The following ERGIC1 variants were observed in gnomAD, a reference collection of about 807,000 sequenced individuals.
ERGIC1 encodes endoplasmic reticulum-golgi intermediate compartment 1, also known as endoplasmic reticulum-Golgi intermediate compartment protein 1.
A neutral mutation model predicts 38.3 loss-of-function variants in ERGIC1; 19 were observed. That is an observed-to-expected ratio of 0.50 (90% CI 0.35 to 0.73). The LOEUF (loss-of-function observed/expected upper bound fraction) is 0.73. Among genes scored for constraint, ERGIC1 ranks in the 30% least tolerant of loss-of-function variants. ERGIC1 has a pLI of 0.01. For missense variants in ERGIC1, 294 were observed against 389.2 expected, an observed-to-expected ratio of 0.76 and a Z score of 2.06; for synonymous variants, 124 against 157.6, an observed-to-expected ratio of 0.79 and a Z score of 1.60.
chr5:172,854,039 G>A (rs141598106), intron 1 of ERGIC1, among the ~76,000 whole-genome samples: 43 of 152,326 alleles, frequency 2.8e-4, no homozygotes, highest in African/African-American at 1.0e-3. Flanking sequence ...CGAAGTGGGA[G>A]TTTCACAGGA....
In ERGIC1 at chr5:172,926,961, G is replaced by A; in HGVS notation, c.541+392G>A. ...CACCGTGAGAACAGGTCTGTGGGTG[G>A]CCCAGTCAGCTGTGACCACATGGCT... On this transcript the variant is annotated intron_variant, in intron 7 of 9. Coordinates refer to ENST00000393784, the MANE Select transcript of ERGIC1 (RefSeq NM_001031711.3). The surrounding 1 kb of genome is among the most constrained non-coding windows in gnomAD (Gnocchi z 5.2). The A allele has an allele frequency of 4.8e-6, 1 of 210,426 alleles. No homozygotes were observed. The highest frequency in any genetic ancestry group is 9.8e-6 in the Non-Finnish European group (1 of 102,434). The allele number at this position is 210,426 out of a possible 1,614,324, so 13.0% of individuals were successfully genotyped here.
At chr5:172,852,626 AGT>A (rs1290180549) in intron 1 of ERGIC1, among the ~76,000 whole-genome samples, 8 of 152,220 alleles carry the variant, frequency 5.3e-5, no homozygotes, top group Non-Finnish European at 1.0e-4. Context: ...TTTTAAAAAA[AGT>A]GTTGAATAGT....
At chr5:172,843,189 GTTTAAGGAGTTGCTTA>G (rs1375436228) in intron 1 of ERGIC1, among the ~76,000 whole-genome samples, 1 of 152,178 alleles carries the variant, frequency 6.6e-6, no homozygotes, top group African/African-American at 2.4e-5. Flanking sequence ...TTGCCACTGA[GTTTAAGGAGTTGCTTA>G]TATATTCTGG....
At chr5:172,902,296 C>T (rs190198134) in intron 3 of ERGIC1, among the ~76,000 whole-genome samples, 2 of 152,194 alleles carry the variant, frequency 1.3e-5, no homozygotes, top group African/African-American at 2.4e-5. Flanking sequence ...GTAGGAGGCC[C>T]GGAGTGGGGA....
intron 1 of ERGIC1, among the ~76,000 whole-genome samples, chr5:172,861,896 G>A (rs1408200613): frequency 6.6e-6 from 1 of 152,162 alleles, no homozygotes; most frequent in African/African-American, 2.4e-5. Context: ...CAGTAGAAAC[G>A]TAGAAAGACA....
chr5:172,920,023 G>A (rs534603208), intron 5 of ERGIC1, among the ~76,000 whole-genome samples: 2 of 152,320 alleles, frequency 1.3e-5, no homozygotes, highest in South Asian at 4.1e-4. Context: ...ACGCAGCCAG[G>A]ATTTTAACAC....
intron 1 of ERGIC1, among the ~76,000 whole-genome samples, chr5:172,858,901 G>A (rs944899350): frequency 1.3e-5 from 2 of 152,238 alleles, no homozygotes; most frequent in African/African-American, 4.8e-5. Flanking sequence ...ACTGTTTGAA[G>A]TACTTTGGAC....
In ERGIC1 at chr5:172,941,552, A is replaced by G. The variant is rs544779416; in HGVS notation, c.765+6242A>G. 1.9e-3 allele frequency among the ~76,000 whole-genome samples: 284 copies of G among 152,290 alleles called. 2 individuals carry two copies. The highest frequency in any genetic ancestry group is 6.7e-3 in the African/African-American group (279 of 41,574). ...CCCCTACCCCCAGCACTGTCTCAGGAGCCTCTATCTTCCAAAACAAGGGCT... is the reference window on the plus strand; with the variant it reads ...CCCCTACCCCCAGCACTGTCTCAGGGGCCTCTATCTTCCAAAACAAGGGCT... On this transcript the variant is annotated intron_variant, in intron 9 of 9. Transcript: ENST00000393784.
intron 1 of ERGIC1, among the ~76,000 whole-genome samples, chr5:172,856,643 C>A (rs1761556003): frequency 6.6e-6 from 1 of 152,130 alleles, no homozygotes. Flanking sequence ...AAAATAAGAT[C>A]AAGTGAATGT....
intron 1 of ERGIC1, among the ~76,000 whole-genome samples, chr5:172,857,127 A>G (rs760280468): frequency 1.3e-5 from 2 of 152,182 alleles, no homozygotes; most frequent in Non-Finnish European, 2.9e-5. Flanking sequence ...CGGTAAAGAG[A>G]CTGGCCACCA....
Position 172,862,307 on chromosome 5 carries a change from C to CAAAA in ERGIC1, c.21-26370_21-26367dup, listed in dbSNP as rs58968820. 6.2e-3 allele frequency among the ~76,000 whole-genome samples: 305 copies of CAAAA among 48,960 alleles called. 7 individuals carry two copies. The highest frequency in any genetic ancestry group is 7.4e-3 in the East Asian group (9 of 1,212). The allele number at this position is 48,960 out of a possible 152,430, so 32.1% of individuals were successfully genotyped here. A position where few individuals can be genotyped will look rare whatever the true frequency, so the allele number is the denominator to read the frequency against. The stretch of plus-strand genomic sequence containing the variant: ...TGGGCAACTGAGTGAGACTACATCT[C>CAAAA]AAAAAAAAAAAAAAAAAAAAAAAAA... On this transcript the variant is annotated intron_variant, in intron 1 of 9. Transcript: ENST00000393784.
chr5:172,898,112 C>G (rs477748), intron 3 of ERGIC1: 271,625 of 383,892 alleles, frequency 0.71, 96,787 homozygotes, highest in African/African-American at 0.83. Flanking sequence ...TCACGGAGCT[C>G]GGCCCTGGCC....
intron 1 of ERGIC1, among the ~76,000 whole-genome samples, chr5:172,880,805 T>G (rs1762260943): frequency 6.6e-6 from 1 of 152,212 alleles, no homozygotes; most frequent in African/African-American, 2.4e-5. Context: ...GGGTCTCTGT[T>G]TGGGTTCTGC....
chr5:172,844,469 G>A (rs761816400), intron 1 of ERGIC1, among the ~76,000 whole-genome samples: 24 of 152,238 alleles, frequency 1.6e-4, no homozygotes, highest in Non-Finnish European at 3.1e-4. Flanking sequence ...GCTGACGATA[G>A]CCTATGACAG....
chr5:172,918,648 A>G (rs1763434344), intron 5 of ERGIC1, among the ~76,000 whole-genome samples: 1 of 152,276 alleles, frequency 6.6e-6, no homozygotes, highest in Non-Finnish European at 1.5e-5. Context: ...AGAGTGCTCC[A>G]GAAAACGCTG....
intron 1 of ERGIC1, among the ~76,000 whole-genome samples, chr5:172,886,514 G>T (rs942344618): frequency 2.0e-5 from 3 of 152,152 alleles, no homozygotes; most frequent in Admixed American, 6.5e-5. Flanking sequence ...CAAACTCACT[G>T]GGCCAAGGGT....
At chr5:172,867,082 AGTCTTTGC>A (rs1326305768) in intron 1 of ERGIC1, 2 of 436,414 alleles carry the variant, frequency 4.6e-6, no homozygotes, top group Non-Finnish European at 9.4e-6. Flanking sequence ...GGCCATGCAG[AGTCTTTGC>A]AGACCTTGGC....
intron 9 of ERGIC1, among the ~76,000 whole-genome samples, chr5:172,945,195 C>T (rs771596303): frequency 4.6e-5 from 7 of 152,204 alleles, no homozygotes; most frequent in Non-Finnish European, 7.3e-5. Context: ...TGGAACCCAC[C>T]TCTGGCCTAA....
chr5:172,891,601 A>C (rs1648130752), intron 2 of ERGIC1, among the ~76,000 whole-genome samples: 1 of 151,796 alleles, frequency 6.6e-6, no homozygotes, highest in Non-Finnish European at 1.5e-5. Flanking sequence ...CACCATGCCA[A>C]GCTAATTTTT....
Sources: allele counts gnomAD v4.1 joint callset (sites outside exome capture counted in the v4.1 genomes callset), GRCh38; gene constraint gnomAD v4.1.1; non-coding constraint Gnocchi (gnomAD v3.1); transcripts MANE v1.5; gene names NCBI Gene and HGNC (gene_info 2026-07-23, HGNC 2026-07-21).